CISTR: variants seen among roughly 807,000 people sequenced by gnomAD.
The protein encoded by CISTR is chondrogenesis-associated transcript.
At chr12:53,748,206 C>G (rs543277316) in intron 2 of CISTR, among the ~76,000 whole-genome samples, 1 of 152,170 alleles carries the variant, frequency 6.6e-6, no homozygotes, top group Non-Finnish European at 1.5e-5. Flanking sequence ...GCGCTGCATC[C>G]TAATCAGCGC....
In CISTR at chr12:53,751,364, T is replaced by A. The variant is rs1937847998; in HGVS notation, n.415-399A>T. Among the ~76,000 whole-genome samples the A allele has an allele frequency of 6.6e-6, 1 of 152,030 alleles. No homozygotes were observed. Among genetic ancestry groups the A allele is most frequent in the Non-Finnish European group, 1.5e-5 (1 of 67,980 alleles). On this transcript the variant is annotated intron_variant and non_coding_transcript_variant, in intron 1 of 2. Transcript: ENST00000669269. This position sits in a 1 kb window ranked among gnomAD's most constrained non-coding sequence, Gnocchi z 4.6. ...CTTTGGCAGTGGGAAGGGGTGTGCG[T>A]GGGTGTCCTCTCCTTCACTCTTTCC... is the stretch of plus-strand genomic sequence containing the variant.
chr12:53,753,449 C>T (rs1937880228), intron 1 of CISTR, among the ~76,000 whole-genome samples: 1 of 152,006 alleles, frequency 6.6e-6, no homozygotes, highest in Admixed American at 6.5e-5. Context: ...ACTGGGGAGA[C>T]CAGGAATGAC....
At chr12:53,746,731 G>T (rs1017974542) in exon 3 of CISTR, among the ~76,000 whole-genome samples, 1 of 152,196 alleles carries the variant, frequency 6.6e-6, no homozygotes, top group African/African-American at 2.4e-5. Flanking sequence ...AGCATCCAGG[G>T]CCGACGTCTG....
intron 1 of CISTR, among the ~76,000 whole-genome samples, chr12:53,752,546 G>C (rs935310): frequency 6.6e-6 from 1 of 152,164 alleles, no homozygotes; most frequent in African/African-American, 2.4e-5. Context: ...CTGTGATAAC[G>C]AATGTAACAT....
intron 1 of CISTR, among the ~76,000 whole-genome samples, chr12:53,753,075 CACACACACACACACAGAG>C (rs753622331): frequency 1.2e-4 from 15 of 123,772 alleles, no homozygotes; most frequent in South Asian, 2.3e-4. Context: ...CACACACACA[CACACACACACACACAGAG>C]AGAGACACAC....
chr12:53,755,865 C>T (rs1170921146), intron 1 of CISTR: 1 of 152,476 alleles, frequency 6.6e-6, no homozygotes, highest in African/African-American at 2.4e-5. Flanking sequence ...TGCCCAAGAT[C>T]CTCTGGTTCT....
At chr12:53,753,238 T>C (rs1263482968) in intron 1 of CISTR, among the ~76,000 whole-genome samples, 1 of 152,190 alleles carries the variant, frequency 6.6e-6, no homozygotes, top group Non-Finnish European at 1.5e-5. Context: ...CCCCTGTGTG[T>C]GCTGCCCATT....
chr12:53,747,379 C>T (rs1017984996), intron 2 of CISTR, among the ~76,000 whole-genome samples: 3 of 152,204 alleles, frequency 2.0e-5, no homozygotes, highest in African/African-American at 7.2e-5. Flanking sequence ...TGGCCCTCCC[C>T]TCCCTGCACT....
intron 2 of CISTR, among the ~76,000 whole-genome samples, chr12:53,748,387 A>T (rs2120731178): frequency 6.6e-6 from 1 of 152,220 alleles, no homozygotes; most frequent in Non-Finnish European, 1.5e-5. Flanking sequence ...GGACAGAAAG[A>T]CCCAGTAAAT....
At chr12:53,750,762 T>A (rs1937840135) in exon 2 of CISTR, 1 of 153,294 alleles carries the variant, frequency 6.5e-6, no homozygotes, top group African/African-American at 2.4e-5. Context: ...TTGCTTTTTG[T>A]GTATTTTACT....
chr12:53,755,916 T>C (rs1937909596), intron 1 of CISTR: 1 of 152,286 alleles, frequency 6.6e-6, no homozygotes, highest in South Asian at 2.1e-4. Flanking sequence ...CAGCACCAGT[T>C]TTTTGGATAA....
rs894267288 is a variant in CISTR, at chr12:53,751,329, C to A, written n.415-364G>T. Reference sequence around the variant, plus strand: ...GACCTCGGAGCCAATCGCCAGAGATCTAATGGCTCCTTTGGCAGTGGGAAG... The same window carrying A: ...GACCTCGGAGCCAATCGCCAGAGATATAATGGCTCCTTTGGCAGTGGGAAG... On this transcript the variant is annotated intron_variant and non_coding_transcript_variant, in intron 1 of 2. Transcript: ENST00000669269. This position sits in a 1 kb window ranked among gnomAD's most constrained non-coding sequence, Gnocchi z 4.6. 2.6e-5 allele frequency among the ~76,000 whole-genome samples: 4 copies of A among 152,148 alleles called. No homozygotes were observed. The highest frequency in any genetic ancestry group is 5.9e-5 in the Non-Finnish European group (4 of 68,018).
intron 1 of CISTR, among the ~76,000 whole-genome samples, chr12:53,753,702 G>A (rs1852459): frequency 0.063 from 7,749 of 122,264 alleles, 298 homozygotes; most frequent in Non-Finnish European, 0.1. Flanking sequence ...GTGTGTGTGT[G>A]TATGTGTGTG....
intron 1 of CISTR, among the ~76,000 whole-genome samples, chr12:53,752,075 C>G (rs866062378): frequency 1.3e-5 from 2 of 152,098 alleles, no homozygotes; most frequent in Non-Finnish European, 2.9e-5. Context: ...ACTCTGCAGC[C>G]GGGCTCCTCG....
At chr12:53,753,246 A>G (rs2120738822) in intron 1 of CISTR, among the ~76,000 whole-genome samples, 1 of 152,232 alleles carries the variant, frequency 6.6e-6, no homozygotes, top group South Asian at 2.1e-4. Flanking sequence ...TGTGCTGCCC[A>G]TTGTATTGGG....
At chr12:53,749,153 C>T (rs1479188705) in intron 2 of CISTR, among the ~76,000 whole-genome samples, 4 of 151,498 alleles carry the variant, frequency 2.6e-5, no homozygotes, top group South Asian at 2.1e-4. Flanking sequence ...TAGAGAAAGA[C>T]TGAGAAAGAA....
intron 1 of CISTR, among the ~76,000 whole-genome samples, chr12:53,753,665 G>GGTGTGTGTGT (rs55769002): frequency 6.2e-4 from 88 of 141,312 alleles, no homozygotes; most frequent in African/African-American, 1.4e-3. Flanking sequence ...AATGCATAGG[G>GGTGTGTGTGT]GTGTGTGTGT....
At chr12:53,747,021 A>G (rs1937789887) in intron 2 of CISTR, among the ~76,000 whole-genome samples, 1 of 152,220 alleles carries the variant, frequency 6.6e-6, no homozygotes, top group Non-Finnish European at 1.5e-5. Context: ...GGTTTTGGAA[A>G]GTGGATAGTG....
Position 53,753,052 on chromosome 12 carries a change from T to TCACACACACA in CISTR, n.415-2097_415-2088dup, listed in dbSNP as rs760615546. ...ATCATACTTCTCTCCCATCTATACATCACACACACACACACACACACACAC... is the reference window on the plus strand; with the variant it reads ...ATCATACTTCTCTCCCATCTATACATCACACACACACACACACACACACACACACACACAC... On this transcript the variant is annotated intron_variant and non_coding_transcript_variant, in intron 1 of 2. Coordinates refer to ENST00000669269, the Ensembl canonical transcript of CISTR. Among the ~76,000 whole-genome samples the TCACACACACA allele has an allele frequency of 4.2e-3, 512 of 121,294 alleles. 2 individuals carry two copies. Among genetic ancestry groups the TCACACACACA allele is most frequent in the East Asian group, 0.011 (50 of 4,578 alleles). 79.6% of individuals were successfully genotyped at this position (121,294 alleles called of 152,430 possible).
Sources: gnomAD v4.1 joint callset for allele counts (sites outside exome capture counted in the v4.1 genomes callset) on GRCh38, gnomAD v4.1.1 for gene constraint, Gnocchi (gnomAD v3.1) non-coding constraint, MANE v1.5 for transcripts, NCBI Gene and HGNC (gene_info 2026-07-23, HGNC 2026-07-21) for gene names.